The following STK32B variants were observed in gnomAD, a reference collection of about 807,000 sequenced individuals.
STK32B encodes the protein serine/threonine-protein kinase 32B.
Under a neutral mutation model 52.6 loss-of-function variants are expected in STK32B, and 43 were observed. That is an observed-to-expected ratio of 0.82 (90% CI 0.64 to 1.05). The LOEUF is 1.05. Ranked by LOEUF, STK32B falls within the 50% of genes least tolerant of loss-of-function variation. The pLI is 0.00. For synonymous variants in STK32B, 238 were observed against 204.3 expected (o/e 1.17, Z -1.41); for missense variants, 621 against 534.6 (o/e 1.16, Z -1.59).
chr4:5,177,246 C>T (rs116751444), intron 3 of STK32B, among the ~76,000 whole-genome samples: 5,265 of 152,146 alleles, frequency 0.035, 149 homozygotes, highest in South Asian at 0.098. Flanking sequence ...AAGGAGAAGC[C>T]GGCACCTTCT....
At chr4:5,275,817 G>A (rs1027277694) in intron 3 of STK32B, among the ~76,000 whole-genome samples, 3 of 152,042 alleles carry the variant, frequency 2.0e-5, no homozygotes, top group African/African-American at 7.3e-5. Flanking sequence ...CACTGGTGGG[G>A]TGAGGAAGAA....
intron 1 of STK32B, among the ~76,000 whole-genome samples, chr4:5,082,564 G>A (rs751324509): frequency 6.6e-5 from 10 of 152,236 alleles, no homozygotes; most frequent in Admixed American, 2.0e-4. Context: ...TCCTATATCC[G>A]TATCTATTGC....
At chr4:5,355,377 A>G (rs1734102482) in intron 4 of STK32B, among the ~76,000 whole-genome samples, 1 of 152,120 alleles carries the variant, frequency 6.6e-6, no homozygotes, top group Admixed American at 6.6e-5. Context: ...CTAGTAGTCT[A>G]CATGCCCAGA....
intron 4 of STK32B, among the ~76,000 whole-genome samples, chr4:5,342,876 G>C (rs1040843939): frequency 1.4e-4 from 22 of 152,164 alleles, no homozygotes; most frequent in Non-Finnish European, 2.5e-4. Flanking sequence ...GAAATTACTT[G>C]ACAATAGAAG....
At chr4:5,050,344 G>T (rs1232302795), upstream of STK32B, among the ~76,000 whole-genome samples, 1 of 152,192 alleles carries the variant, frequency 6.6e-6, no homozygotes, top group Non-Finnish European at 1.5e-5. Context: ...GGTAGAGCCA[G>T]CTCTGGGTCA....
At chr4:5,466,662 G>A in intron 9 of STK32B, 41 bp from the exon 10 acceptor site, 1 of 1,587,164 alleles carries the variant, frequency 6.3e-7, no homozygotes, top group Non-Finnish European at 8.6e-7. Context: ...GTGATGGGTG[G>A]AACGCAGACA....
chr4:5,404,935 C>A lies in STK32B; in HGVS notation c.472+6691C>A, dbSNP rs369760288. 2.1e-5 allele frequency among the ~76,000 whole-genome samples: 3 copies of A among 144,144 alleles called. No individual in the cohort carries two copies. In the South Asian group the frequency reaches 6.8e-4, roughly 33 times the overall value. 94.6% of individuals were successfully genotyped at this position (144,144 alleles called of 152,430 possible). A position where few individuals can be genotyped will look rare whatever the true frequency, so the allele number is the denominator to read the frequency against. The stretch of plus-strand genomic sequence containing the variant: ...AGACTGGAGTGCGGCGGTGCCATCT[C>A]GGCTCACTGCAAGCTCCGTCTCCCA... On this transcript the variant is annotated intron_variant, in intron 5 of 11. Transcript: ENST00000282908.
At chr4:5,369,120 T>G (rs551225330) in intron 4 of STK32B, among the ~76,000 whole-genome samples, 1 of 151,926 alleles carries the variant, frequency 6.6e-6, no homozygotes, top group Admixed American at 6.6e-5. Context: ...TAAGAACTCC[T>G]TGAAGATCTG....
At chr4:5,101,284 G>T (rs556346554) in intron 1 of STK32B, among the ~76,000 whole-genome samples, 58 of 152,302 alleles carry the variant, frequency 3.8e-4, no homozygotes, top group African/African-American at 1.4e-3. Context: ...TCCCGGGAGG[G>T]TCTGCACTGT....
rs377472575 is a variant in STK32B at position 5,395,512 on chromosome 4, ACT to A, written c.435-2692_435-2691del. On this transcript the variant is annotated intron_variant, in intron 4 of 11. Transcript: ENST00000282908. The surrounding 1 kb of genome is among the most constrained non-coding windows in gnomAD (Gnocchi z 4.4). ...GTCCCTCTATTAGTCTTTTTTCTAG[ACT>A]CTGGTTTGCCTTCTTCACCTGCCAC... Among the ~76,000 whole-genome samples the A allele has an allele frequency of 7.3e-5, 11 of 151,518 alleles. No homozygotes were observed. Among genetic ancestry groups the A allele is most frequent in the African/African-American group, 2.4e-4 (10 of 41,280 alleles).
intron 11 of STK32B, among the ~76,000 whole-genome samples, chr4:5,490,585 A>G (rs1408733404): frequency 1.3e-5 from 2 of 151,570 alleles, no homozygotes; most frequent in South Asian, 2.1e-4. Context: ...AAATTTTTTT[A>G]TTATTATACT....
rs1440276653 is a variant in STK32B at position 5,087,806 on chromosome 4, C to T, written c.52+35891C>T. Reference sequence around the variant, plus strand: ...GCCCCAAGACGTATGAAGCAAAAAGCGGCAGAATTGAGGGTGGAAATGAAC... The same window carrying T: ...GCCCCAAGACGTATGAAGCAAAAAGTGGCAGAATTGAGGGTGGAAATGAAC... On this transcript the variant is annotated intron_variant, in intron 1 of 11. Transcript: ENST00000282908. 4.0e-5 allele frequency among the ~76,000 whole-genome samples: 6 copies of T among 151,378 alleles called. No homozygotes were observed. In the East Asian group the frequency reaches 7.8e-4, roughly 20 times the overall value.
At chr4:5,333,975 A>G (rs1199973680) in intron 4 of STK32B, among the ~76,000 whole-genome samples, 4 of 152,176 alleles carry the variant, frequency 2.6e-5, no homozygotes, top group Non-Finnish European at 4.4e-5. Context: ...TTTTGGTTCC[A>G]TATGAACTTT....
chr4:5,066,409 C>T (rs1742427264), intron 1 of STK32B, among the ~76,000 whole-genome samples: 2 of 152,182 alleles, frequency 1.3e-5, no homozygotes, highest in African/African-American at 4.8e-5. Context: ...ACTTTCAGAA[C>T]ATTCCCCACT....
At chr4:5,496,551 G>C (rs988328357) in intron 11 of STK32B, among the ~76,000 whole-genome samples, 1 of 148,008 alleles carries the variant, frequency 6.8e-6, no homozygotes, top group Non-Finnish European at 1.5e-5. Context: ...GCCTTGCCCT[G>C]CACCCACTGT....
chr4:5,242,811 C>T (rs1049998542), intron 3 of STK32B, among the ~76,000 whole-genome samples: 1 of 152,122 alleles, frequency 6.6e-6, no homozygotes, highest in African/African-American at 2.4e-5. Flanking sequence ...GCCAGTTTTC[C>T]CAGCACCATT....
chr4:5,287,109 T>G (rs552985682), intron 3 of STK32B, among the ~76,000 whole-genome samples: 1 of 152,118 alleles, frequency 6.6e-6, no homozygotes, highest in Non-Finnish European at 1.5e-5. Flanking sequence ...TGTACACTTT[T>G]GTTGGTTATA....
chr4:5,042,922 A>G, the STK32B span, among the ~76,000 whole-genome samples: 1 of 151,640 alleles, frequency 6.6e-6, no homozygotes, highest in East Asian at 1.9e-4. Context: ...CTGGCTAACA[A>G]GGTGAAACCC....
chr4:5,354,654 C>T (rs2108989956), intron 4 of STK32B, among the ~76,000 whole-genome samples: 1 of 152,250 alleles, frequency 6.6e-6, no homozygotes, highest in African/African-American at 2.4e-5. Flanking sequence ...TAGCTAGGAG[C>T]TTGAACTTAA....
Sources: gnomAD v4.1 joint callset for allele counts (sites outside exome capture counted in the v4.1 genomes callset) on GRCh38, gnomAD v4.1.1 for gene constraint, Gnocchi (gnomAD v3.1) non-coding constraint, MANE v1.5 for transcripts, NCBI Gene and HGNC (gene_info 2026-07-23, HGNC 2026-07-21) for gene names.